Variants in CASD1 observed in about 807,000 individuals in gnomAD.
CASD1 encodes the protein CAS1 domain sialic acid O acetyltransferase 1.
CASD1 carries 41 observed loss-of-function variants against 100.0 expected under a neutral mutation model. The observed-to-expected ratio is 0.41, with a 90% CI of 0.32 to 0.53. The LOEUF (loss-of-function observed/expected upper bound fraction) is 0.53, where lower values mean the gene tolerates loss of function less well. Among genes scored for constraint, CASD1 ranks in the 20% least tolerant of loss-of-function variants. The pLI is 0.25. For synonymous variants in CASD1, 321 were observed against 315.6 expected (o/e 1.02, Z -0.18); for missense variants, 774 against 948.7 (o/e 0.82, Z 2.42).
At chr7:94,607,814 C>T in the CASD1 span, among the ~76,000 whole-genome samples, 1 of 152,102 alleles carries the variant, frequency 6.6e-6, no homozygotes, top group East Asian at 1.9e-4. Context: ...AAAAAGTATA[C>T]AGATTTGAAA....
the CASD1 span, chr7:94,628,536 T>C: frequency 1.7e-6 from 1 of 573,218 alleles, no homozygotes; most frequent in Non-Finnish European, 3.1e-6. Context: ...AAAAAAATCC[T>C]TTTGGTTGTT....
downstream of CASD1, among the ~76,000 whole-genome samples, chr7:94,560,961 T>C (rs1796329356): frequency 6.6e-6 from 1 of 152,192 alleles, no homozygotes; most frequent in Non-Finnish European, 1.5e-5. Flanking sequence ...AAAATTTCAG[T>C]ATGCCCAAAA....
the CASD1 span, among the ~76,000 whole-genome samples, chr7:94,610,720 C>G: frequency 6.6e-6 from 1 of 152,108 alleles, no homozygotes; most frequent in Admixed American, 6.5e-5. Context: ...GAAGACAATC[C>G]ATGGAATAGG....
At chr7:94,563,344 A>G in the CASD1 span, among the ~76,000 whole-genome samples, 1 of 152,162 alleles carries the variant, frequency 6.6e-6, no homozygotes, top group Non-Finnish European at 1.5e-5. Context: ...AAGCTCTGGA[A>G]AACTCTTATA....
chr7:94,590,732 G>T, the CASD1 span: 1 of 152,186 alleles, frequency 6.6e-6, no homozygotes, highest in Non-Finnish European at 1.5e-5. Context: ...AAACAAGGGA[G>T]TTAGGAATCC....
rs1451300558 is a variant in CASD1 at position 94,556,711 on chromosome 7, T to C, written c.*953T>C. 9 of 152,056 alleles carry C rather than the reference T, an allele frequency of 5.9e-5. No homozygotes were observed. The highest frequency in any genetic ancestry group is 5.9e-4 in the Admixed American group (9 of 15,262). The allele number at this position is 152,056 out of a possible 1,614,324, so 9.4% of individuals were successfully genotyped here. On this transcript the variant is annotated 3_prime_UTR_variant, in exon 18 of 18. Transcript: ENST00000297273. ...TGCAAGTTGTTACGATTGAGCTGTA[T>C]TACCATAAGTAGAATTTTAAGTAAA...
rs117680741 is a variant in CASD1 at position 94,540,054 on chromosome 7, T to C, written c.1356+998T>C. Among the ~76,000 whole-genome samples, 631 of 152,266 alleles carry C rather than the reference T, an allele frequency of 4.1e-3. 2 individuals carry two copies. Among genetic ancestry groups the C allele is most frequent in the Non-Finnish European group, 6.3e-3 (429 of 68,022 alleles). On this transcript the variant is annotated intron_variant, in intron 10 of 17. Transcript: ENST00000297273. The stretch of plus-strand genomic sequence containing the variant: ...TGGGTGTCTTAAAAGACAGGATTAT[T>C]ATGATCTCTGGCCACTTTGGATGTG...
chr7:94,546,498 G>T (rs544203335), intron 12 of CASD1, among the ~76,000 whole-genome samples: 1 of 151,822 alleles, frequency 6.6e-6, no homozygotes, highest in South Asian at 2.1e-4. Context: ...AATTTTTCAG[G>T]AATGAGTTGA....
chr7:94,595,594 A>G, the CASD1 span, among the ~76,000 whole-genome samples: 1 of 152,046 alleles, frequency 6.6e-6, no homozygotes, highest in Non-Finnish European at 1.5e-5. Flanking sequence ...CTCCCAAAAT[A>G]TAATATCACA....
chr7:94,568,376 A>G, the CASD1 span, among the ~76,000 whole-genome samples: 1 of 152,330 alleles, frequency 6.6e-6, no homozygotes, highest in Non-Finnish European at 1.5e-5. Context: ...AAGTATAGAA[A>G]AAATACAAAT....
the CASD1 span, chr7:94,587,550 G>A: frequency 9.1e-6 from 12 of 1,318,394 alleles, no homozygotes; most frequent in African/African-American, 4.6e-5. Context: ...AGTGGTAGTA[G>A]GGATTCATTT....
At chr7:94,579,495 T>C in the CASD1 span, among the ~76,000 whole-genome samples, 47 of 152,284 alleles carry the variant, frequency 3.1e-4, no homozygotes, top group Non-Finnish European at 6.2e-4. Flanking sequence ...AATGTAAGAT[T>C]TATTAAGAAA....
the CASD1 span, among the ~76,000 whole-genome samples, chr7:94,565,722 G>A: frequency 3.3e-5 from 5 of 152,110 alleles, no homozygotes; most frequent in African/African-American, 4.8e-5. Context: ...GTTGCCTGCC[G>A]AGCATGAGTG....
At chr7:94,583,975 G>A in the CASD1 span, among the ~76,000 whole-genome samples, 2 of 152,168 alleles carry the variant, frequency 1.3e-5, no homozygotes, top group African/African-American at 4.8e-5. Context: ...TCAGAAACAA[G>A]ATCACTTTTT....
chr7:94,611,905 A>G, the CASD1 span, among the ~76,000 whole-genome samples: 2 of 152,228 alleles, frequency 1.3e-5, no homozygotes, highest in South Asian at 4.1e-4. Flanking sequence ...AATAATGGGC[A>G]AAATTAAAGA....
At chr7:94,550,696 G>T (rs895110390) in intron 14 of CASD1, among the ~76,000 whole-genome samples, 1 of 151,682 alleles carries the variant, frequency 6.6e-6, no homozygotes, top group South Asian at 2.1e-4. Context: ...TTTTTTAAAG[G>T]GCATGAATCC....
the CASD1 span, among the ~76,000 whole-genome samples, chr7:94,602,605 T>G: frequency 2.6e-5 from 4 of 151,696 alleles, no homozygotes; most frequent in Non-Finnish European, 4.4e-5. Context: ...AACAAAGAAT[T>G]GAAACAACTC....
the CASD1 span, among the ~76,000 whole-genome samples, chr7:94,579,262 C>A: frequency 1.3e-5 from 2 of 150,864 alleles, no homozygotes; most frequent in Admixed American, 1.3e-4. Flanking sequence ...TTCTACTAGG[C>A]CAGTTTATCT....
intron 9 of CASD1, among the ~76,000 whole-genome samples, chr7:94,538,325 A>T (rs1241518577): frequency 6.6e-6 from 1 of 152,186 alleles, no homozygotes. Context: ...ATATATACAT[A>T]CCAATCAGAA....
Sources: allele counts gnomAD v4.1 joint callset (sites outside exome capture counted in the v4.1 genomes callset), GRCh38; gene constraint gnomAD v4.1.1; transcripts MANE v1.5; gene names NCBI Gene and HGNC (gene_info 2026-07-23, HGNC 2026-07-21).